The following CDH18 variants were observed in gnomAD, a reference collection of about 807,000 sequenced individuals.
CDH18 encodes the protein cadherin 18.
In CDH18, 31 loss-of-function variants were observed where a neutral mutation model predicts 67.9. The ratio of observed to expected loss-of-function variants is 0.46; its 90% confidence interval spans 0.34 to 0.62. The LOEUF is 0.62. CDH18 is among the 20% of genes least tolerant of loss of function. CDH18 has a pLI of 0.01. For missense variants in CDH18, 890 were observed against 975.5 expected, an observed-to-expected ratio of 0.91 and a Z score of 1.17; for synonymous variants, 362 against 347.2, an observed-to-expected ratio of 1.04 and a Z score of -0.48.
intron 2 of CDH18, among the ~76,000 whole-genome samples, chr5:20,182,818 T>C (rs998881233): frequency 2.0e-5 from 3 of 150,766 alleles, no homozygotes; most frequent in Non-Finnish European, 2.9e-5. Context: ...AGCTATAGAA[T>C]TGCGAGGGAA....
chr5:19,742,359 T>A (rs144953053), intron 4 of CDH18, among the ~76,000 whole-genome samples: 181 of 152,192 alleles, frequency 1.2e-3, no homozygotes, highest in South Asian at 2.1e-3. Context: ...ATCTATTATT[T>A]GCATGATCTT....
intron 1 of CDH18, among the ~76,000 whole-genome samples, chr5:20,517,486 T>G (rs1755452448): frequency 6.6e-6 from 1 of 151,886 alleles, no homozygotes; most frequent in Non-Finnish European, 1.5e-5. Context: ...TTAATTTCCT[T>G]GACCAATGAT....
At chr5:20,174,369 T>C (rs1328009716) in intron 2 of CDH18, among the ~76,000 whole-genome samples, 2 of 152,168 alleles carry the variant, frequency 1.3e-5, no homozygotes, top group African/African-American at 4.8e-5. Flanking sequence ...ATAAACTCAA[T>C]TCAGCGTAAT....
At chr5:20,142,320 C>A (rs189788547) in intron 2 of CDH18, among the ~76,000 whole-genome samples, 25 of 152,000 alleles carry the variant, frequency 1.6e-4, no homozygotes, top group African/African-American at 5.3e-4. Context: ...TGGTTCATAC[C>A]TATAATCCCA....
intron 1 of CDH18, among the ~76,000 whole-genome samples, chr5:20,327,600 C>CA (rs1283200863): frequency 6.6e-6 from 1 of 151,930 alleles, no homozygotes; most frequent in Non-Finnish European, 1.5e-5. Flanking sequence ...TAGCAGTGAC[C>CA]AACACAAATA....
At chr5:20,232,799 T>C (rs1446125615) in intron 2 of CDH18, among the ~76,000 whole-genome samples, 2 of 152,212 alleles carry the variant, frequency 1.3e-5, no homozygotes, top group Middle Eastern at 3.4e-3. Flanking sequence ...CCATATATGC[T>C]ACATTTATTA....
intron 2 of CDH18, among the ~76,000 whole-genome samples, chr5:20,036,950 T>G (rs542692402): frequency 6.6e-6 from 1 of 152,188 alleles, no homozygotes; most frequent in South Asian, 2.1e-4. Flanking sequence ...GCTTTTTTTT[T>G]GCTTTCCATT....
At chr5:20,126,120 A>G (rs1477326837) in intron 2 of CDH18, among the ~76,000 whole-genome samples, 1 of 152,178 alleles carries the variant, frequency 6.6e-6, no homozygotes, top group African/African-American at 2.4e-5. Flanking sequence ...ACAGGCATAC[A>G]GATTGATGGA....
At chr5:20,400,320 A>G (rs1745649679) in intron 1 of CDH18, among the ~76,000 whole-genome samples, 1 of 152,006 alleles carries the variant, frequency 6.6e-6, no homozygotes, top group Admixed American at 6.6e-5. Context: ...TCTACTAAAA[A>G]TACAAAAATT....
chr5:19,486,073 C>T (rs759050441), intron 11 of CDH18, among the ~76,000 whole-genome samples: 5 of 151,844 alleles, frequency 3.3e-5, no homozygotes, highest in South Asian at 2.1e-4. Flanking sequence ...CTGTTTTTCC[C>T]GTTAAAGTTT....
At chr5:20,112,723 A>T (rs12659852) in intron 2 of CDH18, among the ~76,000 whole-genome samples, 9,060 of 152,294 alleles carry the variant, frequency 0.059, 295 homozygotes, top group East Asian at 0.14. Context: ...AAAAAATAAA[A>T]AAAATAAAAT....
Position 19,737,510 on chromosome 5 carries a change from G to A in CDH18, c.523+9432C>T, listed in dbSNP as rs139438424. ...CCTTCACTCTATATCTAATCACTGG[G>A]CCTATTCCACATCCCTGACATTGAG... On this transcript the variant is annotated intron_variant, in intron 4 of 12. Coordinates refer to ENST00000382275, the MANE Select transcript of CDH18 (RefSeq NM_004934.5). Among the ~76,000 whole-genome samples, 16 of 152,092 alleles carry A rather than the reference G, an allele frequency of 1.1e-4. 1 individual carries two copies. Among genetic ancestry groups the A allele is most frequent in the African/African-American group, 2.9e-4 (12 of 41,498 alleles).
At chr5:19,606,372 A>G (rs893450595) in intron 6 of CDH18, among the ~76,000 whole-genome samples, 2 of 152,158 alleles carry the variant, frequency 1.3e-5, no homozygotes, top group African/African-American at 4.8e-5. Flanking sequence ...TTATGATATT[A>G]GAATTCTACA....
At chr5:20,452,773 A>T (rs188552316) in intron 1 of CDH18, among the ~76,000 whole-genome samples, 1 of 152,302 alleles carries the variant, frequency 6.6e-6, no homozygotes. Flanking sequence ...AAGCTTAAAA[A>T]GTTAAGCTTA....
In CDH18 at chr5:20,569,301, G is replaced by A. The variant is rs147839413; in HGVS notation, c.-580+6161C>T. 8.2e-3 allele frequency among the ~76,000 whole-genome samples: 1,243 copies of A among 152,150 alleles called. 14 individuals carry two copies. The highest frequency in any genetic ancestry group is 0.028 in the African/African-American group (1,181 of 41,512). On this transcript the variant is annotated intron_variant, in intron 1 of 14. Transcript: ENST00000507958. ...AAATCATTTATATAGCTTGTACTAC[G>A]AGCCAATATTCTGAATCATTCCTTC... is the stretch of plus-strand genomic sequence containing the variant.
chr5:20,081,055 T>A (rs1008808014), intron 2 of CDH18, among the ~76,000 whole-genome samples: 10 of 152,162 alleles, frequency 6.6e-5, no homozygotes, highest in Admixed American at 5.9e-4. Flanking sequence ...TATGGCTGTT[T>A]TAAAATAGGT....
At chr5:19,744,604 C>G (rs1352757247) in intron 4 of CDH18, among the ~76,000 whole-genome samples, 1 of 151,780 alleles carries the variant, frequency 6.6e-6, no homozygotes, top group South Asian at 2.1e-4. Flanking sequence ...ACTTTTAGAT[C>G]TCTGTTCTGA....
intron 2 of CDH18, among the ~76,000 whole-genome samples, chr5:19,883,796 T>A (rs1002833481): frequency 6.6e-6 from 1 of 152,104 alleles, no homozygotes; most frequent in African/African-American, 2.4e-5. Context: ...CTTGTAAATA[T>A]ACAAGGATAG....
intron 2 of CDH18, among the ~76,000 whole-genome samples, chr5:19,955,652 A>G (rs2150281566): frequency 6.6e-6 from 1 of 152,254 alleles, no homozygotes; most frequent in South Asian, 2.1e-4. Flanking sequence ...CACATACTGG[A>G]CATTCCTAGT....
Sources: gnomAD v4.1 joint callset for allele counts (sites outside exome capture counted in the v4.1 genomes callset) on GRCh38, gnomAD v4.1.1 for gene constraint, MANE v1.5 for transcripts, NCBI Gene and HGNC (gene_info 2026-07-23, HGNC 2026-07-21) for gene names.